ZNF106: variants seen among roughly 807,000 people sequenced by gnomAD.
The protein encoded by ZNF106 is zinc finger protein 106.
Under a neutral mutation model 195.1 loss-of-function variants are expected in ZNF106, and 67 were observed. The ratio of observed to expected loss-of-function variants is 0.34; its 90% CI spans 0.28 to 0.42. The LOEUF (loss-of-function observed/expected upper bound fraction) is 0.42. Among genes scored for constraint, ZNF106 ranks in the 10% least tolerant of loss-of-function variants. The pLI is 1.00. For synonymous variants in ZNF106, 784 were observed against 818.6 expected, an observed-to-expected ratio of 0.96 and a Z score of 0.72; for missense variants, 2,118 against 2,304.5, an observed-to-expected ratio of 0.92 and a Z score of 1.66.
In ZNF106 at chr15:42,448,247, G is replaced by A. The variant is rs147660614; in HGVS notation, c.2960C>T (p.Pro987Leu). 27 of 1,613,974 alleles carry A rather than the reference G, an allele frequency of 1.7e-5. No individual in the cohort carries two copies. Among genetic ancestry groups the A allele is most frequent in the Non-Finnish European group, 2.3e-5 (27 of 1,180,020 alleles). The change falls in exon 6 of 22, where the codon CCG becomes CTG. Residue 987 changes from proline (P) to leucine (L), a missense_variant. By Grantham distance (98) the Pro-to-Leu change is moderately conservative (BLOSUM62 -3). Transcript: ENST00000564754. ...DLNSQERSIP[P>L]SENQNSQESN... is the part of the protein sequence containing the mutation. ...CTCCTGGGAATTCTGATTCTCTGAC[G>A]GTGGTATAGACCTCTCCTGGCTGTT... is the stretch of plus-strand genomic sequence containing the variant.
intron 17 of ZNF106, among the ~76,000 whole-genome samples, chr15:42,423,667 TG>T (rs2054750424): frequency 6.6e-6 from 1 of 152,134 alleles, no homozygotes; most frequent in African/African-American, 2.4e-5. Context: ...TGACAGCCAT[TG>T]GGCCCAGCTC....
chr15:42,479,000 CTTT>C (rs1034347436), intron 1 of ZNF106, among the ~76,000 whole-genome samples: 1 of 152,292 alleles, frequency 6.6e-6, no homozygotes, highest in South Asian at 2.1e-4. Context: ...GTGATTTCTT[CTTT>C]GACTCACAGA....
At chr15:42,420,851 A>G (rs912274423) in intron 20 of ZNF106, among the ~76,000 whole-genome samples, 2 of 152,208 alleles carry the variant, frequency 1.3e-5, no homozygotes, top group South Asian at 4.1e-4. Flanking sequence ...TTTATTTCAT[A>G]TATTTCTGTA....
rs2054330150 is a variant in ZNF106, at chr15:42,413,273, C to T, written c.*4031G>A. 6.6e-6 allele frequency: 1 copy of T among 152,168 alleles called. No individual in the cohort carries two copies. The highest frequency in any genetic ancestry group is 6.5e-5 in the Admixed American group (1 of 15,274). 9.4% of individuals were successfully genotyped at this position (152,168 alleles called of 1,614,324 possible). A position where few individuals can be genotyped will look rare whatever the true frequency, so the allele number is the denominator to read the frequency against. The stretch of plus-strand genomic sequence containing the variant: ...ACTTGCATAAGGAAACCTAGTCTAT[C>T]CCAAATCACCTCCACCACAACTTCT... On this transcript the variant is annotated 3_prime_UTR_variant, in exon 22 of 22. Coordinates refer to ENST00000564754, the MANE Select transcript of ZNF106 (RefSeq NM_001366845.3).
At chr15:42,473,576 T>C (rs963304134) in intron 1 of ZNF106, among the ~76,000 whole-genome samples, 17 of 152,204 alleles carry the variant, frequency 1.1e-4, no homozygotes, top group Admixed American at 9.8e-4. Context: ...ATCAGGTATC[T>C]AAAATATTGC....
intron 11 of ZNF106, 71 bp downstream of exon 11, chr15:42,438,962 A>G: frequency 6.7e-7 from 1 of 1,499,262 alleles, no homozygotes; most frequent in Non-Finnish European, 8.9e-7. Flanking sequence ...TCTGATTCAT[A>G]ATTTCAAATT....
Position 42,450,406 on chromosome 15 carries a change from C to G in ZNF106, c.1866G>C (p.Lys622Asn). ...CTAGGGTTCCAATTTTTGTTCCATG[C>G]TTTTCCGTGTCAGATGTCTCTCCAT... ...ESDGETSDTE[K>N]HGTKIGTLGS... Residue 622 changes from lysine to asparagine, a missense_variant, in exon 5 of 22, where the codon AAG (lysine) becomes AAC (asparagine). Coordinates refer to ENST00000564754, the MANE Select transcript of ZNF106 (RefSeq NM_001366845.3). 1 of 1,614,206 alleles carries G rather than the reference C, an allele frequency of 6.2e-7. No homozygotes were observed. Among genetic ancestry groups the G allele is most frequent in the Non-Finnish European group, 8.5e-7 (1 of 1,180,034 alleles).
At position 42,442,390 on chromosome 15, in the gene ZNF106, G is replaced by A. The variant is rs1223115221; in HGVS notation, c.3446C>T (p.Pro1149Leu). ...TGTGAGGCTACAGGGAACCTGGTCTGGGTGCTCAGAAGGTTCATATGTTTC... is the reference window on the plus strand; with the variant it reads ...TGTGAGGCTACAGGGAACCTGGTCTAGGTGCTCAGAAGGTTCATATGTTTC... ...LQETYEPSEH[P>L]DQVPCSLTRE... Residue 1149 changes from proline (P) to leucine (L), a missense_variant, in exon 10 of 22, where the codon CCA becomes CTA. Transcript: ENST00000564754. 6.2e-7 allele frequency: 1 copy of A among 1,613,448 alleles called. No individual in the cohort carries two copies. The highest frequency in any genetic ancestry group is 2.2e-5 in the East Asian group (1 of 44,896).
rs757303418 is a variant in ZNF106 at position 42,451,352 on chromosome 15, T to G, written c.920A>C (p.Glu307Ala). The G allele has an allele frequency of 1.9e-5, 30 of 1,613,856 alleles. No homozygotes were observed. The South Asian group carries it at 3.1e-4, about 17-fold the overall frequency. Reference sequence around the variant, plus strand: ...GGCAACTGTACCAAGTTTGTCATTTTCTTGCCGCTGCCAATTATATCTGTC... The same window carrying G: ...GGCAACTGTACCAAGTTTGTCATTTGCTTGCCGCTGCCAATTATATCTGTC... ...SHDRYNWQRQ[E>A]NDKLGTVATY... The change falls in exon 5 of 22, where the codon GAA becomes GCA. Residue 307 changes from glutamate (E) to alanine (A), a missense_variant. Transcript: ENST00000564754.
At chr15:42,455,353 G>T (rs1393734008) in intron 4 of ZNF106, among the ~76,000 whole-genome samples, 1 of 152,132 alleles carries the variant, frequency 6.6e-6, no homozygotes, top group Non-Finnish European at 1.5e-5. Context: ...TACACAGTCT[G>T]ATGATAATTT....
intron 14 of ZNF106, among the ~76,000 whole-genome samples, chr15:42,432,185 G>A (rs546345592): frequency 4.8e-4 from 73 of 152,126 alleles, no homozygotes; most frequent in African/African-American, 1.7e-3. Flanking sequence ...AAGGGACAGC[G>A]TCTCACTCTG....
chr15:42,478,066 G>C (rs2056821806), intron 1 of ZNF106, among the ~76,000 whole-genome samples: 1 of 150,442 alleles, frequency 6.6e-6, no homozygotes, highest in Non-Finnish European at 1.5e-5. Flanking sequence ...TGCAACCTCT[G>C]TAACCTCCAC....
At chr15:42,479,962 T>A (rs548512063) in intron 1 of ZNF106, among the ~76,000 whole-genome samples, 1 of 152,174 alleles carries the variant, frequency 6.6e-6, no homozygotes, top group Non-Finnish European at 1.5e-5. Flanking sequence ...CAATCTTTCC[T>A]ACATCAGCCT....
chr15:42,430,743 TAA>T (rs1355314715), intron 14 of ZNF106, among the ~76,000 whole-genome samples: 1 of 152,044 alleles, frequency 6.6e-6, no homozygotes, highest in East Asian at 1.9e-4. Flanking sequence ...TGTCCTATCT[TAA>T]GTTACGGCTT....
At chr15:42,435,231 T>A (rs2055228279) in intron 14 of ZNF106, among the ~76,000 whole-genome samples, 153 bp downstream of exon 14, 2 of 152,322 alleles carry the variant, frequency 1.3e-5, no homozygotes, top group Non-Finnish European at 2.9e-5. Flanking sequence ...GTCTCATATC[T>A]ACCTAGGGCT....
At chr15:42,468,278 A>G (rs62022315) in intron 2 of ZNF106, among the ~76,000 whole-genome samples, 17,066 of 151,054 alleles carry the variant, frequency 0.11, 1,133 homozygotes, top group Non-Finnish European at 0.15. Context: ...GGGTTTCACC[A>G]TGTTGGCCAG....
chr15:42,484,652 T>G (rs1169611231), intron 1 of ZNF106, among the ~76,000 whole-genome samples: 1 of 152,154 alleles, frequency 6.6e-6, no homozygotes, highest in Non-Finnish European at 1.5e-5. Context: ...GCACGAGAAT[T>G]GCTTGAACCT....
chr15:42,479,675 C>A (rs1041991724), intron 1 of ZNF106, among the ~76,000 whole-genome samples: 1 of 151,936 alleles, frequency 6.6e-6, no homozygotes, highest in African/African-American at 2.4e-5. Context: ...AACCCCATCT[C>A]TACTAATAAT....
Position 42,448,684 on chromosome 15 carries a change from G to T in ZNF106, c.2523C>A (p.Pro841=). 2 of 1,605,096 alleles carry T rather than the reference G, an allele frequency of 1.2e-6. No homozygotes were observed. Among genetic ancestry groups the T allele is most frequent in the Non-Finnish European group, 1.7e-6 (2 of 1,178,302 alleles). Residue 841 remains proline, a synonymous_variant, in exon 6 of 22, where the codon CCC becomes CCA. Transcript: ENST00000564754. ...GLPRFGIEMV[P]LVQNEQEALD... is the part of the protein sequence containing the mutation. ...AGGCTTCTTGTTCATTTTGAACAAG[G>T]GGTACCATTTCTATGCCAAACCTTA...
Sources: allele counts gnomAD v4.1 joint callset (sites outside exome capture counted in the v4.1 genomes callset), GRCh38; gene constraint gnomAD v4.1.1; transcripts MANE v1.5; gene names NCBI Gene and HGNC (gene_info 2026-07-23, HGNC 2026-07-21).